Variants in TSKU observed in about 807,000 individuals in gnomAD.
TSKU encodes tsukushi.
Under a neutral mutation model 11.2 loss-of-function variants are expected in TSKU, and 4 were observed. That is an observed-to-expected ratio of 0.36 (90% confidence interval 0.18 to 0.82). The LOEUF is 0.82. TSKU is among the 40% of genes least tolerant of loss of function. TSKU has a pLI of 0.50. For synonymous variants in TSKU, 220 were observed against 232.2 expected (o/e 0.95, Z 0.48); for missense variants, 407 against 482.5 (o/e 0.84, Z 1.47).
intron 1 of TSKU, 124 bp downstream of exon 1, chr11:76,783,528 G>A (rs1201095869): frequency 6.6e-6 from 1 of 152,198 alleles, no homozygotes; most frequent in Non-Finnish European, 1.5e-5. Context: ...GGGCGGGGCT[G>A]GGTCCCGCCG....
rs1462585518 is a variant in TSKU at position 76,797,970 on chromosome 11, A to C, written c.*1292A>C. 3 of 167,096 alleles carry C rather than the reference A, an allele frequency of 1.8e-5. No homozygotes were observed. Among genetic ancestry groups the C allele is most frequent in the Non-Finnish European group, 4.4e-5 (3 of 68,152 alleles). 10.4% of individuals were successfully genotyped at this position (167,096 alleles called of 1,614,324 possible). On this transcript the variant is annotated 3_prime_UTR_variant, in exon 2 of 2. Coordinates refer to ENST00000333090, the MANE Select transcript of TSKU (RefSeq NM_015516.4). ...AAGGTTGCATTTGTTCACTTTTGTAATATTGTCCTGGGCCTGTGTTGGGGT... is the reference window on the plus strand; with the variant it reads ...AAGGTTGCATTTGTTCACTTTTGTACTATTGTCCTGGGCCTGTGTTGGGGT...
rs533464581 is a variant in TSKU at position 76,786,545 on chromosome 11, T to C, written c.-9+3141T>C. Among the ~76,000 whole-genome samples, 400 of 152,266 alleles carry C rather than the reference T, an allele frequency of 2.6e-3. 1 individual carries two copies. Among genetic ancestry groups the C allele is most frequent in the Non-Finnish European group, 4.8e-3 (325 of 68,016 alleles). ...TTTTAAAGAGGGAGCTGTAGTAGGG[T>C]CCCAGACTTCTGTTGGGAAGTGCGT... On this transcript the variant is annotated intron_variant, in intron 1 of 1. Transcript: ENST00000333090.
rs149185997 is a variant in TSKU at position 76,796,367 on chromosome 11, C to T, written c.751C>T (p.Arg251Cys). 165 of 1,613,222 alleles carry T rather than the reference C, an allele frequency of 1.0e-4. No homozygotes were observed. The highest frequency in any genetic ancestry group is 1.3e-4 in the Non-Finnish European group (149 of 1,179,998). ...CCCTGAGCTGGCGCCCAGTGGCTTC[C>T]GTGAGCTACCGGGCCTGCAGGTCCT... ...RLPELAPSGF[R>C]ELPGLQVLDL... Residue 251 changes from arginine (R) to cysteine (C), a missense_variant, in exon 2 of 2, where the codon CGT becomes TGT. Arg to Cys is a radical substitution (Grantham distance 180). Coordinates refer to ENST00000333090, the MANE Select transcript of TSKU (RefSeq NM_015516.4). This position sits in a 1 kb window ranked among gnomAD's most constrained non-coding sequence, Gnocchi z 4.1.
chr11:76,787,115 CCAT>C (rs150406841), intron 1 of TSKU, among the ~76,000 whole-genome samples: 174 of 152,276 alleles, frequency 1.1e-3, no homozygotes, highest in African/African-American at 3.7e-3. Flanking sequence ...GGGATTATCA[CCAT>C]ATTACAGACG....
Position 76,796,348 on chromosome 11 carries a change from G to C in TSKU, c.732G>C (p.Glu244Asp). ...TGGCCAGCCTGCAGAGGCTCCCTGA[G>C]CTGGCGCCCAGTGGCTTCCGTGAGC... The part of the protein sequence containing the change: ...LSLASLQRLP[E>D]LAPSGFRELP... The change falls in exon 2 of 2, where the codon GAG (glutamate) becomes GAC (aspartate). Residue 244 changes from glutamate to aspartate, a missense_variant. Physicochemically the swap from Glu to Asp is conservative, Grantham distance 45. Transcript: ENST00000333090. The surrounding 1 kb of genome is among the most constrained non-coding windows in gnomAD (Gnocchi z 4.1). 6.2e-7 allele frequency: 1 copy of C among 1,613,350 alleles called. No individual in the cohort carries two copies. The highest frequency in any genetic ancestry group is 8.5e-7 in the Non-Finnish European group (1 of 1,180,002).
intron 1 of TSKU, among the ~76,000 whole-genome samples, chr11:76,785,842 G>A (rs1297839785): frequency 6.6e-6 from 1 of 152,146 alleles, no homozygotes; most frequent in East Asian, 1.9e-4. Flanking sequence ...GCCTCTTAGA[G>A]TCAAAGGGAC....
intron 1 of TSKU, among the ~76,000 whole-genome samples, chr11:76,790,201 A>G (rs1459528138): frequency 6.6e-6 from 1 of 152,116 alleles, no homozygotes; most frequent in Non-Finnish European, 1.5e-5. Flanking sequence ...AAGGGGGAAG[A>G]GACTTGTTCA....
At position 76,795,660 on chromosome 11, in the gene TSKU, A is replaced by C; in HGVS notation, c.44A>C (p.Gln15Pro). The C allele has an allele frequency of 1.9e-6, 3 of 1,613,616 alleles. No individual in the cohort carries two copies. Among genetic ancestry groups the C allele is most frequent in the Non-Finnish European group, 2.5e-6 (3 of 1,179,988 alleles). The change falls in exon 2 of 2, where the codon CAG becomes CCG. Residue 15 changes from glutamine to proline, a missense_variant. Coordinates refer to ENST00000333090, the MANE Select transcript of TSKU (RefSeq NM_015516.4). ...CTGCTGCTGGCCGTGAGTGGGGCCC[A>C]GACAACCCGGCCATGCTTCCCCGGG... Reference protein sequence around the residue: ...LLLLLAVSGAQTTRPCFPGCQ... With the variant: ...LLLLLAVSGAPTTRPCFPGCQ...
chr11:76,796,703 T>A lies in TSKU; in HGVS notation c.*25T>A. 2 of 1,427,018 alleles carry A rather than the reference T, an allele frequency of 1.4e-6. No individual in the cohort carries two copies. The highest frequency in any genetic ancestry group is 1.9e-6 in the Non-Finnish European group (2 of 1,080,580). The allele number at this position is 1,427,018 out of a possible 1,614,324, so 88.4% of individuals were successfully genotyped here. A position where few individuals can be genotyped will look rare whatever the true frequency, so the allele number is the denominator to read the frequency against. On this transcript the variant is annotated 3_prime_UTR_variant, in exon 2 of 2. Transcript: ENST00000333090. The surrounding 1 kb of genome is among the most constrained non-coding windows in gnomAD (Gnocchi z 4.1). ...ACAAATGGTGTGGCCCAGGGCCACA[T>A]AACAGACTGCTGTCCTGGGCTGCCT... is the stretch of plus-strand genomic sequence containing the variant.
intron 1 of TSKU, among the ~76,000 whole-genome samples, chr11:76,786,176 A>G (rs139726980): frequency 7.2e-5 from 11 of 152,342 alleles, no homozygotes; most frequent in African/African-American, 2.6e-4. Context: ...CTTTCTGTCC[A>G]TGACATTTCA....
At chr11:76,788,483 G>A (rs542646575) in intron 1 of TSKU, among the ~76,000 whole-genome samples, 10 of 152,128 alleles carry the variant, frequency 6.6e-5, no homozygotes, top group Non-Finnish European at 1.3e-4. Context: ...TGCTCCTGGC[G>A]CCACACTGGG....
At chr11:76,783,973 G>A (rs1437503487) in intron 1 of TSKU, among the ~76,000 whole-genome samples, 2 of 152,134 alleles carry the variant, frequency 1.3e-5, no homozygotes, top group Non-Finnish European at 2.9e-5. Flanking sequence ...GGTTCCTCGG[G>A]CAACAGCCCC....
intron 1 of TSKU, among the ~76,000 whole-genome samples, chr11:76,787,489 C>G (rs1303224111): frequency 6.6e-6 from 1 of 152,168 alleles, no homozygotes; most frequent in Non-Finnish European, 1.5e-5. Context: ...CTGGACAGAT[C>G]ACAGAACCTC....
intron 1 of TSKU, chr11:76,791,656 C>G (rs922997533): frequency 6.6e-6 from 1 of 152,286 alleles, no homozygotes; most frequent in African/African-American, 2.4e-5. Context: ...CCCAATCTCT[C>G]TGAGCATCCA....
At position 76,796,453 on chromosome 11, in the gene TSKU, C is replaced by T. The variant is rs753832108; in HGVS notation, c.837C>T (p.Ser279=). The change falls in exon 2 of 2, where the codon AGC becomes AGT. Residue 279 remains serine, a synonymous_variant. Transcript: ENST00000333090. This position sits in a 1 kb window ranked among gnomAD's most constrained non-coding sequence, Gnocchi z 4.1. The part of the protein sequence containing the change: ...WAGAEVFSGL[S]SLQELDLSGT... Reference sequence around the variant, plus strand: ...GAGCTGAGGTGTTTTCAGGCCTGAGCTCCCTGCAGGAGCTGGACCTTTCGG... The same window carrying T: ...GAGCTGAGGTGTTTTCAGGCCTGAGTTCCCTGCAGGAGCTGGACCTTTCGG... The T allele has an allele frequency of 2.3e-5, 37 of 1,613,376 alleles. No homozygotes were observed. Among genetic ancestry groups the T allele is most frequent in the Admixed American group, 1.7e-5 (1 of 60,010 alleles).
intron 1 of TSKU, among the ~76,000 whole-genome samples, chr11:76,793,995 C>T (rs1944408271): frequency 6.6e-6 from 1 of 152,128 alleles, no homozygotes; most frequent in South Asian, 2.1e-4. Flanking sequence ...CCTGGCCCAT[C>T]TCCTCCCCCT....
chr11:76,785,258 A>C (rs1944300513), intron 1 of TSKU, among the ~76,000 whole-genome samples: 1 of 152,242 alleles, frequency 6.6e-6, no homozygotes, highest in Non-Finnish European at 1.5e-5. Context: ...GGTAAAGTCC[A>C]GATCAGTCTT....
chr11:76,784,939 T>G (rs1482660294), intron 1 of TSKU, among the ~76,000 whole-genome samples: 1 of 152,224 alleles, frequency 6.6e-6, no homozygotes, highest in Non-Finnish European at 1.5e-5. Flanking sequence ...CATTTTCCTT[T>G]CCCTCTCCGG....
At chr11:76,791,215 G>A (rs988704524) in intron 1 of TSKU, among the ~76,000 whole-genome samples, 1 of 152,196 alleles carries the variant, frequency 6.6e-6, no homozygotes, top group Admixed American at 6.5e-5. Context: ...GCTGTTAAAG[G>A]CATTCCGTTT....
Sources: gnomAD v4.1 joint callset for allele counts (sites outside exome capture counted in the v4.1 genomes callset) on GRCh38, gnomAD v4.1.1 for gene constraint, Gnocchi (gnomAD v3.1) non-coding constraint, MANE v1.5 for transcripts, NCBI Gene and HGNC (gene_info 2026-07-23, HGNC 2026-07-21) for gene names.